The following STK39 variants were observed in gnomAD, a reference collection of about 807,000 sequenced individuals.
STK39 encodes STE20/SPS1-related proline-alanine-rich protein kinase.
Under a neutral mutation model 77.8 loss-of-function variants are expected in STK39, and 20 were observed. That is an observed-to-expected ratio of 0.26 (90% confidence interval 0.18 to 0.37). The LOEUF is 0.37. STK39 is among the 10% of genes least tolerant of loss of function. The probability of loss-of-function intolerance (pLI) is 1.00; values close to 1 mark genes in which losing one functional copy is unlikely to be tolerated. For missense variants in STK39, 479 were observed against 656.5 expected, an observed-to-expected ratio of 0.73 and a Z score of 2.95; for synonymous variants, 246 against 234.1, an observed-to-expected ratio of 1.05 and a Z score of -0.47.
At chr2:167,988,294 T>A (rs975424608) in intron 16 of STK39, among the ~76,000 whole-genome samples, 2 of 152,180 alleles carry the variant, frequency 1.3e-5, no homozygotes, top group Non-Finnish European at 2.9e-5. Context: ...CTGATTTTTT[T>A]CCTGCAAAGA....
intron 1 of STK39, among the ~76,000 whole-genome samples, chr2:168,232,777 T>G (rs1008496509): frequency 8.6e-5 from 13 of 152,042 alleles, no homozygotes; most frequent in Admixed American, 7.2e-4. Context: ...CTGGACGTAG[T>G]GGCAGGTGCC....
chr2:168,235,691 G>A lies in STK39; in HGVS notation c.208+11537C>T, dbSNP rs980940794. ...CATTGTTCAATTCCCACCTATGAGT[G>A]AGAACATGCGGTGTTTGATTTTTTG... is the stretch of plus-strand genomic sequence containing the variant. On this transcript the variant is annotated intron_variant, in intron 1 of 17. Coordinates refer to ENST00000355999, the MANE Select transcript of STK39 (RefSeq NM_013233.3). Among the ~76,000 whole-genome samples the A allele has an allele frequency of 9.7e-5, 14 of 144,826 alleles. 1 individual carries two copies. The highest frequency in any genetic ancestry group is 3.3e-4 in the African/African-American group (13 of 38,852).
At chr2:168,206,302 C>CTTTT (rs869096206) in intron 1 of STK39, among the ~76,000 whole-genome samples, 2 of 141,732 alleles carry the variant, frequency 1.4e-5, no homozygotes, top group African/African-American at 2.6e-5. Context: ...TCTTTTCTTT[C>CTTTT]TTTTTTTTTT....
intron 1 of STK39, among the ~76,000 whole-genome samples, chr2:168,209,660 G>A (rs1031925752): frequency 4.0e-5 from 6 of 151,532 alleles, no homozygotes; most frequent in Non-Finnish European, 2.9e-5. Context: ...AGCCTGGGGC[G>A]ACAAGAGCAA....
chr2:168,052,643 T>C (rs1002229292), intron 14 of STK39, among the ~76,000 whole-genome samples: 1 of 152,208 alleles, frequency 6.6e-6, no homozygotes, highest in Non-Finnish European at 1.5e-5. Flanking sequence ...TCAGGATCTG[T>C]AACATGCTAG....
chr2:168,246,608 G>A (rs1188686223), intron 1 of STK39, among the ~76,000 whole-genome samples: 1 of 152,212 alleles, frequency 6.6e-6, no homozygotes, highest in African/African-American at 2.4e-5. Context: ...GCCGAGTGGC[G>A]CGGAGAGCCG....
chr2:168,231,597 T>C (rs1370805285), intron 1 of STK39, among the ~76,000 whole-genome samples: 1 of 151,776 alleles, frequency 6.6e-6, no homozygotes, highest in Non-Finnish European at 1.5e-5. Flanking sequence ...AAGACTAAAA[T>C]ATTATTTCTT....
intron 16 of STK39, among the ~76,000 whole-genome samples, chr2:167,990,160 T>C (rs893490979): frequency 1.3e-5 from 2 of 152,006 alleles, no homozygotes; most frequent in African/African-American, 4.8e-5. Flanking sequence ...ATCCACATTA[T>C]CAAAGATGCA....
At chr2:168,140,265 T>A (rs2278785) in intron 7 of STK39, 24 bp downstream of exon 7, 1 of 1,552,944 alleles carries the variant, frequency 6.4e-7, no homozygotes, top group Non-Finnish European at 8.9e-7. Flanking sequence ...TCAACCCCGA[T>A]GTAGTATTTC....
At chr2:168,122,752 T>C (rs1021576309) in intron 10 of STK39, among the ~76,000 whole-genome samples, 11 of 152,172 alleles carry the variant, frequency 7.2e-5, no homozygotes, top group Non-Finnish European at 1.3e-4. Flanking sequence ...GGTGTTTTTA[T>C]ACACAAGATT....
At chr2:168,011,456 C>T (rs1163102360) in intron 16 of STK39, among the ~76,000 whole-genome samples, 1 of 151,990 alleles carries the variant, frequency 6.6e-6, no homozygotes, top group Non-Finnish European at 1.5e-5. Flanking sequence ...TAATAATTAA[C>T]ATAATTATGA....
At chr2:168,122,824 A>G (rs1687443356) in intron 10 of STK39, among the ~76,000 whole-genome samples, 1 of 152,228 alleles carries the variant, frequency 6.6e-6, no homozygotes, top group African/African-American at 2.4e-5. Context: ...GAGCCATGAC[A>G]TAAAGTATAA....
At chr2:167,983,847 C>A (rs1349380261) in intron 16 of STK39, among the ~76,000 whole-genome samples, 3 of 152,186 alleles carry the variant, frequency 2.0e-5, no homozygotes, top group African/African-American at 7.2e-5. Flanking sequence ...CTTGAATACA[C>A]AAAGCCTTCT....
intron 4 of STK39, 32 bp from the exon 5 acceptor site, chr2:168,161,874 AG>A (rs1255375423): frequency 6.4e-7 from 1 of 1,555,784 alleles, no homozygotes; most frequent in Non-Finnish European, 8.8e-7. Flanking sequence ...AATAAATTGT[AG>A]GGTACAGACT....
intron 3 of STK39, among the ~76,000 whole-genome samples, chr2:168,165,800 C>T (rs1294830302): frequency 1.3e-5 from 2 of 151,866 alleles, no homozygotes; most frequent in East Asian, 3.9e-4. Flanking sequence ...AAAAGGAAAA[C>T]ATTAAAACAC....
intron 1 of STK39, among the ~76,000 whole-genome samples, chr2:168,196,754 G>A (rs1181845991): frequency 6.6e-6 from 1 of 152,216 alleles, no homozygotes; most frequent in Non-Finnish European, 1.5e-5. Context: ...GCCTCTCTCA[G>A]GTGGTGACAT....
rs568100606 is a variant in STK39, at chr2:167,978,092, G to A, written c.1499-13366C>T. 4.6e-5 allele frequency among the ~76,000 whole-genome samples: 7 copies of A among 152,260 alleles called. 1 individual carries two copies. The highest frequency in any genetic ancestry group is 1.3e-4 in the Admixed American group (2 of 15,298). On this transcript the variant is annotated intron_variant, in intron 16 of 17. Coordinates refer to ENST00000355999, the MANE Select transcript of STK39 (RefSeq NM_013233.3). ...TGGGTGATGCCAGCTGGTGCACTGA[G>A]TGCAGGGTCTGCAAAATATCTCAAG...
intron 10 of STK39, among the ~76,000 whole-genome samples, chr2:168,120,387 T>C (rs890719174): frequency 6.6e-6 from 1 of 152,234 alleles, no homozygotes; most frequent in Admixed American, 6.5e-5. Context: ...TATGCCCACA[T>C]ACCAAAGCGC....
At chr2:168,139,271 C>T (rs1687915537) in intron 7 of STK39, among the ~76,000 whole-genome samples, 1 of 152,086 alleles carries the variant, frequency 6.6e-6, no homozygotes, top group African/African-American at 2.4e-5. Flanking sequence ...AATCCTTCAG[C>T]ATTACTTCAG....
Sources: allele counts gnomAD v4.1 joint callset (sites outside exome capture counted in the v4.1 genomes callset), GRCh38; gene constraint gnomAD v4.1.1; transcripts MANE v1.5; gene names NCBI Gene and HGNC (gene_info 2026-07-23, HGNC 2026-07-21).